Variants in IL21R observed in about 807,000 individuals in gnomAD.
IL21R encodes the protein interleukin-21 receptor.
IL21R carries 14 observed loss-of-function variants against 41.3 expected under a neutral mutation model. The observed-to-expected ratio is 0.34, with a 90% CI of 0.22 to 0.53. The LOEUF (loss-of-function observed/expected upper bound fraction) is 0.53, where lower values mean the gene tolerates loss of function less well. Ranked by LOEUF, IL21R falls within the 20% of genes least tolerant of loss-of-function variation. The pLI, the probability that IL21R is intolerant of heterozygous loss-of-function variation, is 0.94. For missense variants in IL21R, 588 were observed against 681.6 expected (o/e 0.86, Z 1.53); for synonymous variants, 286 against 287.6 (o/e 0.99, Z 0.05).
rs2087422136 is a variant in IL21R, at chr16:27,443,258, G to T, written c.507+142G>T. ...CCAAGGGCACGAGCACTCCCTTACA[G>T]CGGGCCCTCCTCCTCCCCTCACTTC... On this transcript the variant is annotated intron_variant, in intron 5 of 8. Transcript: ENST00000337929. The T allele has an allele frequency of 7.6e-6, 5 of 660,798 alleles. No homozygotes were observed. The South Asian group carries it at 7.6e-5, about 10-fold the overall frequency. The allele number at this position is 660,798 out of a possible 1,614,324, so 40.9% of individuals were successfully genotyped here.
chr16:27,416,045 T>A (rs2086890764), intron 1 of IL21R, among the ~76,000 whole-genome samples: 1 of 152,224 alleles, frequency 6.6e-6, no homozygotes, highest in Admixed American at 6.5e-5. Context: ...ACCTTTGGGG[T>A]TTCATGGTCG....
At position 27,411,660 on chromosome 16, in the gene IL21R, C is replaced by T. The variant is rs373869286; in HGVS notation, c.-17+9042C>T. ...GTATTTGTTAGTAGAGATGGGATTT[C>T]GCCATCTTGGCCAGGCTGGTCTTGA... On this transcript the variant is annotated intron_variant, in intron 1 of 8. Transcript: ENST00000337929. Among the ~76,000 whole-genome samples, 24 of 151,976 alleles carry T rather than the reference C, an allele frequency of 1.6e-4. 1 individual carries two copies. The East Asian group carries it at 1.7e-3, about 11-fold the overall frequency.
chr16:27,426,678 C>T (rs896030605), intron 1 of IL21R, among the ~76,000 whole-genome samples: 3 of 152,260 alleles, frequency 2.0e-5, no homozygotes, highest in African/African-American at 7.2e-5. Flanking sequence ...TGCTTTCTCA[C>T]AGCCTCTTCT....
intron 1 of IL21R, among the ~76,000 whole-genome samples, chr16:27,428,997 G>A (rs947382018): frequency 1.3e-5 from 2 of 152,194 alleles, no homozygotes; most frequent in African/African-American, 4.8e-5. Context: ...GCTGAGGTGG[G>A]TGGATCACCT....
chr16:27,413,993 A>G (rs1858004333), intron 1 of IL21R, among the ~76,000 whole-genome samples: 1 of 151,930 alleles, frequency 6.6e-6, no homozygotes, highest in African/African-American at 2.4e-5. Context: ...TGGTTCCTCA[A>G]TTCTTATATA....
intron 4 of IL21R, among the ~76,000 whole-genome samples, chr16:27,439,641 C>T (rs2087344898): frequency 6.6e-6 from 1 of 151,982 alleles, no homozygotes; most frequent in Non-Finnish European, 1.5e-5. Flanking sequence ...ACACACATTA[C>T]TCACGGGCAC....
At chr16:27,440,248 T>TATATATATATATAGAG (rs1352160946) in intron 4 of IL21R, among the ~76,000 whole-genome samples, 98 of 64,012 alleles carry the variant, frequency 1.5e-3, no homozygotes, top group Middle Eastern at 0.01. Flanking sequence ...TATATATATA[T>TATATATATATATAGAG]AGAGAGAGAG....
At chr16:27,425,460 G>A (rs540157521) in intron 1 of IL21R, among the ~76,000 whole-genome samples, 3 of 152,242 alleles carry the variant, frequency 2.0e-5, no homozygotes, top group African/African-American at 7.2e-5. Flanking sequence ...GAAAGCGTAG[G>A]CTCTTTCATC....
In IL21R at chr16:27,451,739, CAA is replaced by C. The variant is rs1253476645; in HGVS notation, c.*2457_*2458del. ...GTCTCTTAAAAATAAAAGTTGGAGA[CAA>C]GAGCTGGCTCACCTGAAAGGAGGGA... is the stretch of plus-strand genomic sequence containing the variant. On this transcript the variant is annotated 3_prime_UTR_variant, in exon 9 of 9. Transcript: ENST00000337929. The C allele has an allele frequency of 1.3e-5, 3 of 229,174 alleles. No homozygotes were observed. The highest frequency in any genetic ancestry group is 4.4e-5 in the African/African-American group (2 of 45,060). The allele number at this position is 229,174 out of a possible 1,614,324, so 14.2% of individuals were successfully genotyped here.
At chr16:27,406,017 C>T (rs1240208045) in intron 1 of IL21R, among the ~76,000 whole-genome samples, 1 of 152,406 alleles carries the variant, frequency 6.6e-6, no homozygotes, top group East Asian at 1.9e-4. Flanking sequence ...CTGCCATCCC[C>T]CACTGTGTGA....
intron 4 of IL21R, among the ~76,000 whole-genome samples, chr16:27,438,259 A>G (rs2087308691): frequency 1.3e-5 from 2 of 152,044 alleles, no homozygotes; most frequent in Admixed American, 6.5e-5. Context: ...TCCTGACCCC[A>G]TAATGAGGCG....
chr16:27,428,130 G>A (rs558523101), intron 1 of IL21R, among the ~76,000 whole-genome samples: 3 of 152,320 alleles, frequency 2.0e-5, no homozygotes, highest in South Asian at 2.1e-4. Context: ...AATTACAGCT[G>A]TTGTTTGAGT....
In IL21R at chr16:27,449,265, T is replaced by C. The variant is rs959312898; in HGVS notation, c.1599T>C (p.Pro533=). 1 of 1,603,464 alleles carries C rather than the reference T, an allele frequency of 6.2e-7. No homozygotes were observed. Among genetic ancestry groups the C allele is most frequent in the Non-Finnish European group, 8.5e-7 (1 of 1,175,176 alleles). ...WVVIPPPLSS[P]GPQAS ...TCATTCCTCCGCCACTTTCGAGCCC[T>C]GGACCCCAGGCCAGCTAATGAGGCT... The change falls in exon 9 of 9, where the codon CCT becomes CCC. Residue 533 remains proline (P), a synonymous_variant. Transcript: ENST00000337929.
At chr16:27,439,278 C>G (rs2087331069) in intron 4 of IL21R, among the ~76,000 whole-genome samples, 1 of 151,924 alleles carries the variant, frequency 6.6e-6, no homozygotes, top group Non-Finnish European at 1.5e-5. Context: ...CTCCCCAGCC[C>G]CAGCCTGCAT....
rs1349363208 is a variant in IL21R, at chr16:27,440,244, TATATAGAGAG to T, written c.352+2559_352+2568del. 3.9e-4 allele frequency among the ~76,000 whole-genome samples: 32 copies of T among 82,592 alleles called. No homozygotes were observed. In the South Asian group the frequency reaches 4.7e-3, roughly 12 times the overall value. The allele number at this position is 82,592 out of a possible 152,430, so 54.2% of individuals were successfully genotyped here. A position where few individuals can be genotyped will look rare whatever the true frequency, so the allele number is the denominator to read the frequency against. On this transcript the variant is annotated intron_variant, in intron 4 of 8. Transcript: ENST00000337929. Reference sequence around the variant, plus strand: ...ACAAATATATATATATATATATATATATATAGAGAGAGAGAGAGAGAGAGAGAGAGAGAGA... The same window carrying T: ...ACAAATATATATATATATATATATATAGAGAGAGAGAGAGAGAGAGAGAGA...
intron 1 of IL21R, among the ~76,000 whole-genome samples, chr16:27,408,685 C>A (rs2086783221): frequency 6.6e-6 from 1 of 152,174 alleles, no homozygotes; most frequent in African/African-American, 2.4e-5. Flanking sequence ...CCTGTTGGCT[C>A]CTGTTCCTGG....
intron 1 of IL21R, chr16:27,427,300 C>G (rs917033157): frequency 1.0e-6 from 1 of 985,534 alleles, no homozygotes; most frequent in Non-Finnish European, 1.2e-6. Flanking sequence ...GAAGAGACGC[C>G]GGGCAGGCAG....
chr16:27,406,188 G>A (rs901751174), intron 1 of IL21R, among the ~76,000 whole-genome samples: 2 of 152,264 alleles, frequency 1.3e-5, no homozygotes, highest in Non-Finnish European at 2.9e-5. Flanking sequence ...GGAACTGAGG[G>A]GAGAGAGACG....
chr16:27,433,774 C>G (rs1596585437), intron 2 of IL21R, among the ~76,000 whole-genome samples: 1 of 152,224 alleles, frequency 6.6e-6, no homozygotes, highest in Admixed American at 6.5e-5. Flanking sequence ...TGTCCGAGGG[C>G]TTTTTAATTC....
Sources: allele counts gnomAD v4.1 joint callset (sites outside exome capture counted in the v4.1 genomes callset), GRCh38; gene constraint gnomAD v4.1.1; transcripts MANE v1.5; gene names NCBI Gene and HGNC (gene_info 2026-07-23, HGNC 2026-07-21).